TCF25: variants seen among roughly 807,000 people sequenced by gnomAD.
TCF25 encodes TCF25 ribosome quality control complex subunit.
A neutral mutation model predicts 83.1 loss-of-function variants in TCF25; 41 were observed. The ratio of observed to expected loss-of-function variants is 0.49; its 90% CI spans 0.38 to 0.64. The LOEUF (loss-of-function observed/expected upper bound fraction) is 0.64, where lower values mean the gene tolerates loss of function less well. Among genes scored for constraint, TCF25 ranks in the 30% least tolerant of loss-of-function variants. The probability of loss-of-function intolerance (pLI) is 0.00; values close to 1 mark genes in which losing one functional copy is unlikely to be tolerated. For missense variants in TCF25, 979 were observed against 914.5 expected, an observed-to-expected ratio of 1.07 and a Z score of -0.91; for synonymous variants, 458 against 365.0, an observed-to-expected ratio of 1.25 and a Z score of -2.90.
At chr16:89,876,897 C>G (rs531304605) in intron 1 of TCF25, among the ~76,000 whole-genome samples, 43 of 143,344 alleles carry the variant, frequency 3.0e-4, no homozygotes, top group South Asian at 8.8e-4. Context: ...CCACTGCACT[C>G]CAGCCTGGGC....
In TCF25 at chr16:89,887,723, G is replaced by C. The variant is rs750950750; in HGVS notation, c.614+6G>C. The stretch of plus-strand genomic sequence containing the variant: ...GCAATCCTGGGGGAGCAAAGGTAAG[G>C]TCCACAGTGAGCTGCATTCTCACAG... On this transcript the variant is annotated splice_donor_region_variant and intron_variant, in intron 5 of 17. Transcript: ENST00000263346. 1.0e-5 allele frequency: 16 copies of C among 1,572,048 alleles called. No individual in the cohort carries two copies. Among genetic ancestry groups the C allele is most frequent in the Non-Finnish European group, 1.4e-5 (16 of 1,165,032 alleles).
At position 89,878,653 on chromosome 16, in the gene TCF25, T is replaced by C. The variant is rs1780018921; in HGVS notation, c.193-4698T>C. On this transcript the variant is annotated intron_variant, in intron 1 of 17. Transcript: ENST00000263346. ...GTAGGTAATAAGGTGTTTTGTTTTG[T>C]TTTTTGAGACGGAGTCTTGCGCTGT... The C allele has an allele frequency of 4.6e-6, 5 of 1,087,146 alleles. No homozygotes were observed. The African/African-American group carries it at 6.8e-5, about 15-fold the overall frequency. The allele number at this position is 1,087,146 out of a possible 1,614,324, so 67.3% of individuals were successfully genotyped here. A position where few individuals can be genotyped will look rare whatever the true frequency, so the allele number is the denominator to read the frequency against.
Position 89,906,283 on chromosome 16 carries a change from C to T in TCF25, c.1718C>T (p.Pro573Leu), listed in dbSNP as rs149391760. The change falls in exon 15 of 18, where the codon CCG becomes CTG. Residue 573 changes from proline (P) to leucine (L), a missense_variant and splice_region_variant. Transcript: ENST00000263346. ...AAGGAAGCCGTCGCTGCCCTGCCCCCGGTAAGGGAGAAAGGCTGAAATGGG... is the reference window on the plus strand; with the variant it reads ...AAGGAAGCCGTCGCTGCCCTGCCCCTGGTAAGGGAGAAAGGCTGAAATGGG... Reference protein sequence around the residue: ...EIKEAVAALPPDVTTQSVMGF... With the variant: ...EIKEAVAALPLDVTTQSVMGF... The T allele has an allele frequency of 1.2e-5, 20 of 1,612,654 alleles. No individual in the cohort carries two copies. Among genetic ancestry groups the T allele is most frequent in the East Asian group, 2.2e-5 (1 of 44,876 alleles).
chr16:89,909,591 T>G (rs1285857299), intron 16 of TCF25: 1 of 144,874 alleles, frequency 6.9e-6, no homozygotes, highest in East Asian at 2.0e-4. Flanking sequence ...GGCAGGAGAA[T>G]CCCTTGAACC....
intron 5 of TCF25, 139 bp from the exon 6 acceptor site, chr16:89,892,054 A>AG: frequency 1.4e-6 from 1 of 696,330 alleles, no homozygotes; most frequent in Non-Finnish European, 2.2e-6. Context: ...TCCTGTCCTT[A>AG]ATGCGTCCCC....
intron 1 of TCF25, chr16:89,878,386 G>C: frequency 3.4e-6 from 4 of 1,188,828 alleles, no homozygotes; most frequent in Non-Finnish European, 4.3e-6. Context: ...AGGAGTTCGA[G>C]ACCAGCCTGG....
chr16:89,880,617 T>C (rs1346831768), intron 1 of TCF25, among the ~76,000 whole-genome samples: 1 of 150,280 alleles, frequency 6.7e-6, no homozygotes, highest in Non-Finnish European at 1.5e-5. Context: ...AATTGGGTGT[T>C]GTGGCGTGTG....
Position 89,911,172 on chromosome 16 carries a change from C to T in TCF25, c.1965C>T (p.Asn655=). 6.2e-7 allele frequency: 1 copy of T among 1,612,388 alleles called. No individual in the cohort carries two copies. The highest frequency in any genetic ancestry group is 1.7e-5 in the Admixed American group (1 of 60,026). The change falls in exon 18 of 18, where the codon AAC becomes AAT. Residue 655 remains asparagine (N), a synonymous_variant. Transcript: ENST00000263346. ...LMLAVRDMMA[N]FHLNDLEAPH... The stretch of plus-strand genomic sequence containing the variant: ...TGGCTGTGCGCGACATGATGGCCAA[C>T]TTCCACCTCAACGACCTGGAGGCGC...
Position 89,893,715 on chromosome 16 carries a change from T to G in TCF25, c.698-13T>G. ...CTCCCGGCACACCCTCCCTGAGCAC[T>G]CTCCCCTCCCAGGTCTGTCCATGCG... On this transcript the variant is annotated splice_polypyrimidine_tract_variant and intron_variant, in intron 6 of 17. Transcript: ENST00000263346. 6.2e-7 allele frequency: 1 copy of G among 1,613,408 alleles called. No homozygotes were observed. The highest frequency in any genetic ancestry group is 1.3e-5 in the African/African-American group (1 of 74,974).
intron 12 of TCF25, chr16:89,901,056 G>C: frequency 2.7e-6 from 1 of 370,798 alleles, no homozygotes; most frequent in Non-Finnish European, 5.1e-6. Context: ...TGCAGAGACA[G>C]AACTGGCTGG....
At chr16:89,904,588 A>G in intron 13 of TCF25, 1 of 487,856 alleles carries the variant, frequency 2.0e-6, no homozygotes, top group Non-Finnish European at 3.8e-6. Context: ...AAAAAACAAA[A>G]TAAACAAAGA....
chr16:89,886,090 C>G (rs999911418), intron 4 of TCF25, 124 bp downstream of exon 4: 1 of 665,650 alleles, frequency 1.5e-6, no homozygotes, highest in Non-Finnish European at 2.6e-6. Flanking sequence ...AAAAGGTTCT[C>G]TAAAAAAGGA....
At chr16:89,905,186 A>G in intron 14 of TCF25, 90 bp downstream of exon 14, 1 of 1,450,546 alleles carries the variant, frequency 6.9e-7, no homozygotes. Flanking sequence ...GGAGGCGAGA[A>G]GGGCTGTGAG....
intron 12 of TCF25, 108 bp from the exon 13 acceptor site, chr16:89,904,010 C>A: frequency 8.9e-7 from 1 of 1,120,324 alleles, no homozygotes; most frequent in Non-Finnish European, 1.3e-6. Context: ...CACCTTAGAA[C>A]AGCTGTGTCT....
chr16:89,887,901 T>C (rs2043137269), intron 5 of TCF25, among the ~76,000 whole-genome samples, 184 bp downstream of exon 5: 1 of 152,232 alleles, frequency 6.6e-6, no homozygotes, highest in South Asian at 2.1e-4. Flanking sequence ...TAACCTTGTC[T>C]GTGACCGTGG....
At chr16:89,896,979 A>T (rs1376094493) in intron 9 of TCF25, among the ~76,000 whole-genome samples, 1 of 151,684 alleles carries the variant, frequency 6.6e-6, no homozygotes, top group Non-Finnish European at 1.5e-5. Context: ...GTGAGCTGAG[A>T]TGGTACCAGT....
intron 8 of TCF25, 131 bp from the exon 9 acceptor site, chr16:89,895,859 C>T: frequency 2.7e-6 from 2 of 735,242 alleles, no homozygotes; most frequent in Non-Finnish European, 4.4e-6. Context: ...GCATGTCTGC[C>T]CTCTCAGTGT....
intron 9 of TCF25, among the ~76,000 whole-genome samples, chr16:89,897,049 A>G (rs1428381334): frequency 6.6e-6 from 1 of 151,464 alleles, no homozygotes; most frequent in African/African-American, 2.4e-5. Context: ...AAAGAAGAAG[A>G]AGAAGAAGTG....
chr16:89,885,542 G>A (rs1438668425), intron 3 of TCF25, among the ~76,000 whole-genome samples: 4 of 152,180 alleles, frequency 2.6e-5, no homozygotes, highest in Non-Finnish European at 5.9e-5. Flanking sequence ...CTTTGTTGCC[G>A]TTTAGTTGGA....
Sources: allele counts gnomAD v4.1 joint callset (sites outside exome capture counted in the v4.1 genomes callset), GRCh38; gene constraint gnomAD v4.1.1; transcripts MANE v1.5; gene names NCBI Gene and HGNC (gene_info 2026-07-23, HGNC 2026-07-21).